Variants in ATP2B2 observed in about 807,000 individuals in gnomAD.
ATP2B2 encodes the protein plasma membrane calcium-transporting ATPase 2.
In ATP2B2, 15 loss-of-function variants were observed where a neutral mutation model predicts 120.0. The ratio of observed to expected loss-of-function variants is 0.12; its 90% confidence interval spans 0.08 to 0.19. The LOEUF (loss-of-function observed/expected upper bound fraction) is 0.19, where lower values mean the gene tolerates loss of function less well. Among genes scored for constraint, ATP2B2 ranks in the 10% least tolerant of loss-of-function variants. ATP2B2 has a pLI of 1.00. For synonymous variants in ATP2B2, 694 were observed against 700.3 expected, an observed-to-expected ratio of 0.99 and a Z score of 0.14; for missense variants, 1,045 against 1,719.8, an observed-to-expected ratio of 0.61 and a Z score of 6.94.
At chr3:10,461,581 T>A (rs1302236124) in intron 1 of ATP2B2, among the ~76,000 whole-genome samples, 3 of 152,186 alleles carry the variant, frequency 2.0e-5, no homozygotes, top group African/African-American at 7.2e-5. Context: ...GCTACCTATG[T>A]TGGCATCACT....
intron 1 of ATP2B2, among the ~76,000 whole-genome samples, chr3:10,663,235 T>TAAC (rs2070836346): frequency 6.6e-6 from 1 of 151,510 alleles, no homozygotes; most frequent in African/African-American, 2.4e-5. Flanking sequence ...TAAAGTATAA[T>TAAC]AATAATAATA....
chr3:10,326,953 T>A lies in ATP2B2; in HGVS notation c.*1861A>T. The A allele has an allele frequency of 2.5e-6, 1 of 398,554 alleles. No individual in the cohort carries two copies. The highest frequency in any genetic ancestry group is 4.4e-6 in the Non-Finnish European group (1 of 226,012). The allele number at this position is 398,554 out of a possible 1,614,324, so 24.7% of individuals were successfully genotyped here. A position where few individuals can be genotyped will look rare whatever the true frequency, so the allele number is the denominator to read the frequency against. ...ACAGCCATCGTGAGGAGGGTCAGCA[T>A]GAGGAATGGATTTTGCAAGAGAGGC... On this transcript the variant is annotated 3_prime_UTR_variant, in exon 23 of 23. Transcript: ENST00000360273.
chr3:10,617,322 A>G (rs2069417291), intron 2 of ATP2B2, among the ~76,000 whole-genome samples: 1 of 152,228 alleles, frequency 6.6e-6, no homozygotes, highest in Admixed American at 6.5e-5. Flanking sequence ...ACACATATTA[A>G]AAGATTCCCA....
intron 13 of ATP2B2, 44 bp from the exon 14 acceptor site, chr3:10,358,969 C>T: frequency 6.3e-7 from 1 of 1,591,226 alleles, no homozygotes; most frequent in South Asian, 1.1e-5. Context: ...GGGAATGCTC[C>T]TTCTGAAAGG....
intron 22 of ATP2B2, among the ~76,000 whole-genome samples, chr3:10,337,682 G>A (rs2438309): frequency 6.6e-6 from 1 of 152,074 alleles, no homozygotes; most frequent in African/African-American, 2.4e-5. Context: ...TTGCTCCCCA[G>A]AGCCTCTCCA....
Position 10,447,309 on chromosome 3 carries a change from G to C in ATP2B2, c.199+2036C>G, listed in dbSNP as rs771735704. Among the ~76,000 whole-genome samples the C allele has an allele frequency of 2.6e-5, 4 of 152,326 alleles. No individual in the cohort carries two copies. The East Asian group carries it at 5.8e-4, about 22-fold the overall frequency. ...AATACTCCCTCTAGCAGTACAGAGC[G>C]GGCTCCCAGGAACCAGCCGGAAATG... On this transcript the variant is annotated intron_variant, in intron 2 of 22. Coordinates refer to ENST00000360273, the MANE Select transcript of ATP2B2 (RefSeq NM_001001331.4).
At chr3:10,439,650 A>G (rs1164097030) in intron 2 of ATP2B2, among the ~76,000 whole-genome samples, 1 of 152,208 alleles carries the variant, frequency 6.6e-6, no homozygotes, top group Non-Finnish European at 1.5e-5. Context: ...TTTCTCCAGT[A>G]TCAGAGGTTT....
intron 1 of ATP2B2, among the ~76,000 whole-genome samples, chr3:10,478,786 C>T (rs1182261423): frequency 6.6e-6 from 1 of 152,206 alleles, no homozygotes; most frequent in Non-Finnish European, 1.5e-5. Flanking sequence ...CTGCTGTGGC[C>T]TCTAACTGGC....
intron 1 of ATP2B2, among the ~76,000 whole-genome samples, chr3:10,694,819 T>C (rs71316419): frequency 0.033 from 5,049 of 152,206 alleles, 140 homozygotes; most frequent in South Asian, 0.13. Context: ...AAGACTTAAG[T>C]AGGGATGTCT....
chr3:10,633,553 C>T (rs1434398563), intron 1 of ATP2B2, among the ~76,000 whole-genome samples: 1 of 152,206 alleles, frequency 6.6e-6, no homozygotes, highest in Non-Finnish European at 1.5e-5. Flanking sequence ...CAAATGCCTT[C>T]TTCTCTGATG....
chr3:10,471,939 G>T (rs1439759243), intron 1 of ATP2B2, among the ~76,000 whole-genome samples: 2 of 151,886 alleles, frequency 1.3e-5, no homozygotes, highest in Non-Finnish European at 2.9e-5. Context: ...AAATTAGCCG[G>T]GTGTGGTGGC....
intron 1 of ATP2B2, among the ~76,000 whole-genome samples, chr3:10,662,553 C>T (rs1238698080): frequency 6.8e-6 from 1 of 146,120 alleles, no homozygotes; most frequent in Non-Finnish European, 1.5e-5. Context: ...TGCCATCTCA[C>T]ACCAGTTAGA....
At position 10,451,502 on chromosome 3, in the gene ATP2B2, G is replaced by A. The variant is rs373395228; in HGVS notation, c.-319-1640C>T. Among the ~76,000 whole-genome samples the A allele has an allele frequency of 2.5e-3, 377 of 152,312 alleles. 1 individual carries two copies. Among genetic ancestry groups the A allele is most frequent in the African/African-American group, 8.7e-3 (361 of 41,556 alleles). ...TATAAACTGTATTCAAATCCAGTGT[G>A]TTTCTGGATTTGGGGCTTCCCAGTC... On this transcript the variant is annotated intron_variant, in intron 1 of 22. Coordinates refer to ENST00000360273, the MANE Select transcript of ATP2B2 (RefSeq NM_001001331.4).
intron 2 of ATP2B2, among the ~76,000 whole-genome samples, chr3:10,535,387 G>A (rs568154505): frequency 1.1e-3 from 60 of 55,792 alleles, no homozygotes; most frequent in African/African-American, 3.1e-3. Flanking sequence ...GCAGTTTGAT[G>A]TGTGTGTGTG....
intron 2 of ATP2B2, among the ~76,000 whole-genome samples, chr3:10,540,928 A>G (rs560447828): frequency 1.6e-4 from 24 of 151,804 alleles, no homozygotes; most frequent in African/African-American, 5.8e-4. Flanking sequence ...AAAATTACAA[A>G]TTCAATTTCC....
At chr3:10,502,997 G>A (rs898769356) in intron 1 of ATP2B2, among the ~76,000 whole-genome samples, 2 of 152,184 alleles carry the variant, frequency 1.3e-5, no homozygotes, top group African/African-American at 2.4e-5. Flanking sequence ...GGCTATGGGC[G>A]TCCTCACTGA....
At chr3:10,564,010 A>C (rs970296320) in intron 2 of ATP2B2, among the ~76,000 whole-genome samples, 2 of 152,192 alleles carry the variant, frequency 1.3e-5, no homozygotes, top group African/African-American at 2.4e-5. Flanking sequence ...CACACTTCTG[A>C]CCATGTGTTT....
intron 1 of ATP2B2, among the ~76,000 whole-genome samples, chr3:10,480,752 C>T (rs1211394119): frequency 6.6e-6 from 1 of 152,234 alleles, no homozygotes; most frequent in Admixed American, 6.5e-5. Context: ...CATTAGCCTC[C>T]TCGCCAAGCC....
In ATP2B2 at chr3:10,328,953, T is replaced by C; in HGVS notation, c.3593A>G (p.Gln1198Arg). The change falls in exon 23 of 23, where the codon CAG (glutamine) becomes CGG (arginine). Residue 1198 changes from glutamine to arginine, a missense_variant. Physicochemically the swap from Gln to Arg is conservative, Grantham distance 43. Coordinates refer to ENST00000360273, the MANE Select transcript of ATP2B2 (RefSeq NM_001001331.4). The part of the protein sequence containing the change: ...TDLEEDAALK[Q>R]NSSPPSSLNK... ...GAGGGATGACGGCGGGCTCGAGTTC[T>C]GCTTGAGCGCGGCATCTTCTTCCAG... 6 of 1,614,000 alleles carry C rather than the reference T, an allele frequency of 3.7e-6. No homozygotes were observed. Among genetic ancestry groups the C allele is most frequent in the Non-Finnish European group, 5.1e-6 (6 of 1,179,998 alleles).
Sources: gnomAD v4.1 joint callset for allele counts (sites outside exome capture counted in the v4.1 genomes callset) on GRCh38, gnomAD v4.1.1 for gene constraint, MANE v1.5 for transcripts, NCBI Gene and HGNC (gene_info 2026-07-23, HGNC 2026-07-21) for gene names.